DAB2IP: variants seen among roughly 807,000 people sequenced by gnomAD.
DAB2IP encodes the protein disabled homolog 2-interacting protein.
DAB2IP carries 28 observed loss-of-function variants against 107.2 expected under a neutral mutation model. That is an observed-to-expected ratio of 0.26 (90% confidence interval 0.19 to 0.36). DAB2IP has a LOEUF of 0.36. Among genes scored for constraint, DAB2IP ranks in the 10% least tolerant of loss-of-function variants. DAB2IP has a pLI of 1.00. For synonymous variants in DAB2IP, 755 were observed against 706.4 expected (o/e 1.07, Z -1.09); for missense variants, 1,400 against 1,644.7 (o/e 0.85, Z 2.57).
At chr9:121,715,731 C>T (rs1210175778) in intron 3 of DAB2IP, among the ~76,000 whole-genome samples, 3 of 152,208 alleles carry the variant, frequency 2.0e-5, no homozygotes, top group South Asian at 2.1e-4. Flanking sequence ...GTAAATAACA[C>T]ACTTCTCTCC....
chr9:121,750,288 C>T (rs1833014899), intron 3 of DAB2IP, among the ~76,000 whole-genome samples: 1 of 152,224 alleles, frequency 6.6e-6, no homozygotes, highest in Admixed American at 6.5e-5. Flanking sequence ...CCGCTCGCAG[C>T]TGCAGGTGCA....
At chr9:121,712,689 C>T (rs564114223) in intron 3 of DAB2IP, among the ~76,000 whole-genome samples, 120 of 152,298 alleles carry the variant, frequency 7.9e-4, no homozygotes, top group Non-Finnish European at 1.4e-3. Context: ...AGTCTCGCCA[C>T]GCCATGAGTA....
At chr9:121,745,674 A>G (rs977841696) in intron 3 of DAB2IP, among the ~76,000 whole-genome samples, 1 of 151,982 alleles carries the variant, frequency 6.6e-6, no homozygotes, top group Non-Finnish European at 1.5e-5. Flanking sequence ...AGCATGATAC[A>G]TCTTCAGCAA....
intron 1 of DAB2IP, among the ~76,000 whole-genome samples, chr9:121,666,629 G>A (rs1348836569): frequency 1.3e-5 from 2 of 152,212 alleles, no homozygotes; most frequent in African/African-American, 2.4e-5. Context: ...GAGAGCATGA[G>A]GACAAATACC....
At chr9:121,674,212 C>T (rs1833796105) in intron 1 of DAB2IP, among the ~76,000 whole-genome samples, 1 of 152,186 alleles carries the variant, frequency 6.6e-6, no homozygotes, top group African/African-American at 2.4e-5. Flanking sequence ...CTCCCTCCTC[C>T]CCTCATCTCT....
chr9:121,765,605 C>T (rs1185108345), intron 8 of DAB2IP, among the ~76,000 whole-genome samples: 1 of 152,186 alleles, frequency 6.6e-6, no homozygotes, highest in African/African-American at 2.4e-5. Flanking sequence ...AGAGAAAACC[C>T]AAGCCTTCCA....
chr9:121,631,689 G>T (rs1831887622), intron 1 of DAB2IP, among the ~76,000 whole-genome samples: 1 of 152,006 alleles, frequency 6.6e-6, no homozygotes, highest in African/African-American at 2.4e-5. Flanking sequence ...GGTGGCATGT[G>T]CCTGTAGCCC....
intron 1 of DAB2IP, among the ~76,000 whole-genome samples, chr9:121,672,994 C>CA (rs1564147745): frequency 6.6e-6 from 1 of 152,226 alleles, no homozygotes; most frequent in Non-Finnish European, 1.5e-5. Context: ...GCTGAATCCC[C>CA]AGGGTCCAGA....
intron 1 of DAB2IP, among the ~76,000 whole-genome samples, chr9:121,641,986 T>C (rs1246751643): frequency 3.7e-4 from 47 of 128,628 alleles, no homozygotes; most frequent in Non-Finnish European, 5.2e-4. Context: ...CTTTCTTTCT[T>C]TCTTTCCTTT....
chr9:121,631,110 C>T (rs919592970), intron 1 of DAB2IP, among the ~76,000 whole-genome samples: 9 of 152,184 alleles, frequency 5.9e-5, no homozygotes, highest in African/African-American at 1.9e-4. Flanking sequence ...GGCAAGGCTG[C>T]TCTTTGTACC....
At chr9:121,667,980 G>A (rs147472008) in intron 1 of DAB2IP, among the ~76,000 whole-genome samples, 324 of 152,210 alleles carry the variant, frequency 2.1e-3, no homozygotes, top group African/African-American at 7.5e-3. Flanking sequence ...AAGAGAAAAT[G>A]AGAGAGATGC....
rs144844894 is a variant in DAB2IP at position 121,704,361 on chromosome 9, G to A, written c.362+4903G>A. Among the ~76,000 whole-genome samples, 130 of 152,246 alleles carry A rather than the reference G, an allele frequency of 8.5e-4. 1 individual carries two copies. The highest frequency in any genetic ancestry group is 2.7e-3 in the African/African-American group (113 of 41,546). On this transcript the variant is annotated intron_variant, in intron 3 of 15. Coordinates refer to ENST00000408936, the Ensembl canonical transcript of DAB2IP. ...TGTCATCATTAAAGCAGTCTTTATC[G>A]TTTGGATAGGCAGAAAAAGGGCATT... is the stretch of plus-strand genomic sequence containing the variant.
At chr9:121,628,139 T>C (rs1301736961) in intron 1 of DAB2IP, among the ~76,000 whole-genome samples, 1 of 152,268 alleles carries the variant, frequency 6.6e-6, no homozygotes, top group Non-Finnish European at 1.5e-5. Context: ...CTGGCACTTC[T>C]CTGAGTTTTC....
At chr9:121,700,904 A>G (rs1589542417) in intron 3 of DAB2IP, among the ~76,000 whole-genome samples, 1 of 152,266 alleles carries the variant, frequency 6.6e-6, no homozygotes, top group East Asian at 1.9e-4. Flanking sequence ...AGATGCAGCC[A>G]GGCCAGAGCT....
At chr9:121,771,758 C>T (rs567605003) in intron 11 of DAB2IP, among the ~76,000 whole-genome samples, 12 of 152,136 alleles carry the variant, frequency 7.9e-5, no homozygotes, top group Non-Finnish European at 1.0e-4. Flanking sequence ...CTCCCAGGCC[C>T]GTGAGCACTG....
exon 12 of DAB2IP, chr9:121,773,188 G>T: frequency 6.3e-7 from 1 of 1,589,924 alleles, no homozygotes. Flanking sequence ...CGGCGGCCCG[G>T]TGAGCTGGCA....
intron 1 of DAB2IP, among the ~76,000 whole-genome samples, chr9:121,620,503 G>A (rs1831424686): frequency 6.6e-6 from 1 of 152,202 alleles, no homozygotes; most frequent in Non-Finnish European, 1.5e-5. Context: ...GGATAACAGT[G>A]CTAACCCCAG....
exon 15 of DAB2IP, chr9:121,781,502 C>T: frequency 1.2e-5 from 19 of 1,614,080 alleles, no homozygotes; most frequent in Non-Finnish European, 1.6e-5. Context: ...AAGGACCACG[C>T]AGAGATGCAA....
At chr9:121,631,924 C>T (rs945389935) in intron 1 of DAB2IP, among the ~76,000 whole-genome samples, 7 of 151,986 alleles carry the variant, frequency 4.6e-5, no homozygotes, top group African/African-American at 1.7e-4. Flanking sequence ...GAGGACAGAC[C>T]CCCTGGTTGG....
Sources: allele counts gnomAD v4.1 joint callset (sites outside exome capture counted in the v4.1 genomes callset), GRCh38; gene constraint gnomAD v4.1.1; transcripts MANE v1.5; gene names NCBI Gene and HGNC (gene_info 2026-07-23, HGNC 2026-07-21).